GSDMD: variants seen among roughly 807,000 people sequenced by gnomAD.
GSDMD encodes the protein gasdermin-D.
A neutral mutation model predicts 46.7 loss-of-function variants in GSDMD; 46 were observed. The observed-to-expected ratio is 0.99, with a 90% CI of 0.78 to 1.26. GSDMD has a LOEUF of 1.26. GSDMD is among the 50% of genes most tolerant of loss of function. The pLI is 0.00. For missense variants in GSDMD, 649 were observed against 638.8 expected, an observed-to-expected ratio of 1.02 and a Z score of -0.17; for synonymous variants, 307 against 283.1, an observed-to-expected ratio of 1.08 and a Z score of -0.85.
chr8:143,559,223 C>G, intron 1 of GSDMD, 109 bp from the exon 2 acceptor site: 1 of 725,448 alleles, frequency 1.4e-6, no homozygotes, highest in Non-Finnish European at 2.3e-6. Context: ...CAGGGCTGTT[C>G]TGGAGGGAAG....
At chr8:143,554,687 G>A (rs577566230), upstream of GSDMD, among the ~76,000 whole-genome samples, 27 of 148,580 alleles carry the variant, frequency 1.8e-4, no homozygotes, top group Middle Eastern at 7.1e-3. Context: ...CGCTCAACAC[G>A]CACGTGCAAG....
intron 6 of GSDMD, 71 bp downstream of exon 6, chr8:143,561,494 C>A: frequency 6.9e-7 from 1 of 1,459,810 alleles, no homozygotes; most frequent in Non-Finnish European, 9.4e-7. Flanking sequence ...TTGAGGCCTT[C>A]TCCTCATGTT....
chr8:143,559,114 A>G (rs900267197), intron 1 of GSDMD: 3 of 599,376 alleles, frequency 5.0e-6, no homozygotes, highest in African/African-American at 1.9e-5. Flanking sequence ...GGAGGTGCTC[A>G]TGGTACCGTA....
rs1387084519 is a variant in GSDMD at position 143,560,749 on chromosome 8, T to C, written c.557T>C (p.Leu186Pro). The part of the protein sequence containing the change: ...HKREGSGRFS[L>P]PGATCLQGEG... ...CGGGAGGGCTCGGGCCGGTTTTCCC[T>C]GCCCGGAGCCACGTGCTTGCAGGTG... Residue 186 changes from leucine (L) to proline (P), a missense_variant, in exon 4 of 11, where the codon CTG (leucine) becomes CCG (proline). By Grantham distance (98) the Leu-to-Pro change is moderately conservative. Coordinates refer to ENST00000262580, the MANE Select transcript of GSDMD (RefSeq NM_024736.7). The C allele has an allele frequency of 1.3e-6, 2 of 1,555,750 alleles. No homozygotes were observed. Among genetic ancestry groups the C allele is most frequent in the Non-Finnish European group, 1.7e-6 (2 of 1,150,090 alleles).
At chr8:143,559,280 T>TTGG in intron 1 of GSDMD, 52 bp from the exon 2 acceptor site, 9 of 579,420 alleles carry the variant, frequency 1.6e-5, no homozygotes, top group East Asian at 3.2e-5. Context: ...CTTCTCCCAC[T>TTGG]CCCTCCCGCC....
chr8:143,560,711 G>T lies in GSDMD; in HGVS notation c.519G>T (p.Thr173=), dbSNP rs112103340. 1.4e-5 allele frequency: 22 copies of T among 1,578,124 alleles called. No individual in the cohort carries two copies. In the South Asian group the frequency reaches 2.4e-4, roughly 17 times the overall value. The change falls in exon 4 of 11, where the codon ACG becomes ACT. Residue 173 remains threonine, a synonymous_variant. Transcript: ENST00000262580. ...AGACACAGAAGGAGGTGGAAGTCAC[G>T]CGCACCCACAAGCGGGAGGGCTCGG... ...VLQTQKEVEV[T]RTHKREGSGR... is the part of the protein sequence containing the mutation.
At position 143,561,205 on chromosome 8, in the gene GSDMD, C is replaced by A. The variant is rs1203539721; in HGVS notation, c.682+101C>A. 6 of 1,278,528 alleles carry A rather than the reference C, an allele frequency of 4.7e-6. No homozygotes were observed. In the African/African-American group the frequency reaches 7.4e-5, roughly 16 times the overall value. 79.2% of individuals were successfully genotyped at this position (1,278,528 alleles called of 1,614,324 possible). A position where few individuals can be genotyped will look rare whatever the true frequency, so the allele number is the denominator to read the frequency against. On this transcript the variant is annotated intron_variant, in intron 5 of 10. Coordinates refer to ENST00000262580, the MANE Select transcript of GSDMD (RefSeq NM_024736.7). ...AGCTTGGGCTGCCGTGGGCCCCTGGCTGAACAACGTCCTGTGTCTGGCAGG... is the reference window on the plus strand; with the variant it reads ...AGCTTGGGCTGCCGTGGGCCCCTGGATGAACAACGTCCTGTGTCTGGCAGG...
At chr8:143,560,502 G>T (rs1159976590) in intron 3 of GSDMD, 101 bp from the exon 4 acceptor site, 5 of 1,288,358 alleles carry the variant, frequency 3.9e-6, no homozygotes, top group Non-Finnish European at 5.3e-6. Flanking sequence ...CCTCTGGAGG[G>T]CCCCTCTGCA....
upstream of GSDMD, chr8:143,553,438 G>C (rs896960): frequency 0.15 from 21,687 of 145,670 alleles, 4,008 homozygotes; most frequent in East Asian, 0.24. Flanking sequence ...CAGCAGAAGG[G>C]ACGTGGTGTT....
intron 6 of GSDMD, 104 bp from the exon 7 acceptor site, chr8:143,561,638 G>A: frequency 9.5e-7 from 1 of 1,047,268 alleles, no homozygotes; most frequent in Non-Finnish European, 1.4e-6. Flanking sequence ...AGTGTTGGCA[G>A]TGGTGAGCGG....
intron 1 of GSDMD, 52 bp from the exon 2 acceptor site, chr8:143,559,280 T>TGGGGCCC: frequency 1.7e-6 from 1 of 579,430 alleles, no homozygotes. Flanking sequence ...CTTCTCCCAC[T>TGGGGCCC]CCCTCCCGCC....
Position 143,562,703 on chromosome 8 carries a change from C to G in GSDMD, c.1254C>G (p.Arg418=), listed in dbSNP as rs1486744609. ...LLEQSAPWQE[R]STMSLPPGLL... The stretch of plus-strand genomic sequence containing the variant: ...AGCAGAGTGCCCCGTGGCAGGAGCG[C>G]AGCACCATGTCCCTGCCCCCCGGGC... Residue 418 remains arginine, a synonymous_variant, in exon 11 of 11, where the codon CGC becomes CGG. Transcript: ENST00000262580. 6.2e-7 allele frequency: 1 copy of G among 1,601,134 alleles called. No individual in the cohort carries two copies. The highest frequency in any genetic ancestry group is 8.5e-7 in the Non-Finnish European group (1 of 1,174,114).
At chr8:143,560,973 C>T in intron 4 of GSDMD, 29 bp from the exon 5 acceptor site, 15 of 1,602,370 alleles carry the variant, frequency 9.4e-6, no homozygotes, top group Non-Finnish European at 1.3e-5. Context: ...GTGCCAGGGC[C>T]CAGCCCCGAG....
At chr8:143,559,681 T>C (rs1056110605) in intron 2 of GSDMD, 96 bp from the exon 3 acceptor site, 10 of 1,447,534 alleles carry the variant, frequency 6.9e-6, no homozygotes, top group Non-Finnish European at 9.3e-6. Flanking sequence ...CCGGGGCCTT[T>C]CCAAAGGTCC....
At chr8:143,558,125 C>T (rs976320559), upstream of GSDMD, 3 of 542,104 alleles carry the variant, frequency 5.5e-6, no homozygotes, top group African/African-American at 6.0e-5. Flanking sequence ...AACTCCCGAC[C>T]TCAGGTGATC....
At chr8:143,558,531 G>A (rs894376460) in intron 1 of GSDMD, 80 bp downstream of exon 1, 3 of 1,265,086 alleles carry the variant, frequency 2.4e-6, no homozygotes, top group African/African-American at 3.2e-5. Flanking sequence ...GGTGGGGGAT[G>A]CTGGCCCTGC....
intron 1 of GSDMD, 177 bp from the exon 2 acceptor site, chr8:143,559,155 T>C: frequency 1.7e-6 from 1 of 604,136 alleles, no homozygotes; most frequent in South Asian, 2.0e-5. Context: ...AATTCTGTGT[T>C]GGGGAGGGCC....
Position 143,559,498 on chromosome 8 carries a change from A to G in GSDMD, c.163A>G (p.Lys55Glu). The change falls in exon 2 of 11, where the codon AAG becomes GAG. Residue 55 changes from lysine (K) to glutamate (E), a missense_variant. Physicochemically the swap from Lys to Glu is moderately conservative, Grantham distance 56. Coordinates refer to ENST00000262580, the MANE Select transcript of GSDMD (RefSeq NM_024736.7). ...CTCATGGTTCTGGAAACCCCGTTAT[A>G]AGTGTGTCAACCTGTCTATCAAGGA... ...SSSWFWKPRYKCVNLSIKDIL... is the reference protein window; with the variant it reads ...SSSWFWKPRYECVNLSIKDIL... The G allele has an allele frequency of 3.7e-6, 6 of 1,612,866 alleles. No homozygotes were observed. The highest frequency in any genetic ancestry group is 5.1e-6 in the Non-Finnish European group (6 of 1,179,974).
At chr8:143,562,394 G>A (rs1252945577) in intron 9 of GSDMD, 44 bp downstream of exon 9, 2 of 1,549,952 alleles carry the variant, frequency 1.3e-6, no homozygotes, top group East Asian at 4.8e-5. Flanking sequence ...AGGGAGGGAG[G>A]TGGGCTTTCC....
Sources: allele counts gnomAD v4.1 joint callset (sites outside exome capture counted in the v4.1 genomes callset), GRCh38; gene constraint gnomAD v4.1.1; transcripts MANE v1.5; gene names NCBI Gene and HGNC (gene_info 2026-07-23, HGNC 2026-07-21).